The following DNAJC1 variants were observed in gnomAD, a reference collection of about 807,000 sequenced individuals.
The protein encoded by DNAJC1 is dnaJ homolog subfamily C member 1.
A neutral mutation model predicts 76.6 loss-of-function variants in DNAJC1; 58 were observed. That is an observed-to-expected ratio of 0.76 (90% CI 0.61 to 0.94). DNAJC1 has a LOEUF of 0.94. Ranked by LOEUF, DNAJC1 falls within the 40% of genes least tolerant of loss-of-function variation. DNAJC1 has a pLI of 0.00. For synonymous variants in DNAJC1, 258 were observed against 267.9 expected, an observed-to-expected ratio of 0.96 and a Z score of 0.36; for missense variants, 689 against 677.3, an observed-to-expected ratio of 1.02 and a Z score of -0.19.
chr10:21,968,023 C>G (rs1057321875), intron 1 of DNAJC1, among the ~76,000 whole-genome samples: 2 of 152,160 alleles, frequency 1.3e-5, no homozygotes, highest in African/African-American at 4.8e-5. Flanking sequence ...CTAAAATGAG[C>G]CTTCATACAA....
intron 1 of DNAJC1, among the ~76,000 whole-genome samples, chr10:21,932,139 C>A (rs977680733): frequency 6.6e-6 from 1 of 152,068 alleles, no homozygotes; most frequent in Non-Finnish European, 1.5e-5. Flanking sequence ...GAGTTTGAGA[C>A]CAGCCTGAGC....
chr10:21,868,634 A>G (rs939747536), intron 8 of DNAJC1, among the ~76,000 whole-genome samples: 3 of 152,076 alleles, frequency 2.0e-5, no homozygotes, highest in Non-Finnish European at 4.4e-5. Flanking sequence ...CAATGTCATT[A>G]GACCCTCAAA....
chr10:21,940,544 C>T (rs553458735), intron 1 of DNAJC1, among the ~76,000 whole-genome samples: 5 of 152,222 alleles, frequency 3.3e-5, no homozygotes, highest in South Asian at 4.2e-4. Flanking sequence ...AAAATAATTT[C>T]GAGCACAGTA....
Position 21,863,266 on chromosome 10 carries a change from G to A in DNAJC1, c.978+19016C>T, listed in dbSNP as rs1455209605. On this transcript the variant is annotated intron_variant, in intron 8 of 11. Coordinates refer to ENST00000376980, the MANE Select transcript of DNAJC1 (RefSeq NM_022365.4). ...AACCAAAAGCTGATGTAGCTCAAGA[G>A]AGGCTAAAACAGAGAAGAAACAAAA... 2.0e-5 allele frequency among the ~76,000 whole-genome samples: 3 copies of A among 152,056 alleles called. No homozygotes were observed. The East Asian group carries it at 5.8e-4, about 29-fold the overall frequency.
intron 3 of DNAJC1, among the ~76,000 whole-genome samples, chr10:21,921,553 T>TA (rs1232708265): frequency 3.3e-5 from 5 of 151,898 alleles, no homozygotes. Context: ...CTTTAGAAAA[T>TA]AAAAAACTCC....
intron 1 of DNAJC1, among the ~76,000 whole-genome samples, chr10:21,981,619 A>G (rs1223593125): frequency 6.6e-6 from 1 of 152,170 alleles, no homozygotes; most frequent in African/African-American, 2.4e-5. Flanking sequence ...TAAAATGGGG[A>G]AAAAATGCCT....
chr10:21,921,362 C>T (rs1004039298), intron 3 of DNAJC1, among the ~76,000 whole-genome samples: 27 of 151,976 alleles, frequency 1.8e-4, no homozygotes, highest in Middle Eastern at 6.8e-3. Flanking sequence ...TGTTTGTTAC[C>T]GTGAATTACA....
At chr10:21,769,739 T>G (rs1415532848) in intron 9 of DNAJC1, among the ~76,000 whole-genome samples, 1 of 152,104 alleles carries the variant, frequency 6.6e-6, no homozygotes. Flanking sequence ...CAGGCTGGAG[T>G]GCAATGGAGC....
At chr10:21,844,577 T>G (rs1280399573) in intron 8 of DNAJC1, among the ~76,000 whole-genome samples, 1 of 152,146 alleles carries the variant, frequency 6.6e-6, no homozygotes, top group Non-Finnish European at 1.5e-5. Context: ...ATTATTCAAC[T>G]TTGCATTTTT....
intron 8 of DNAJC1, among the ~76,000 whole-genome samples, chr10:21,856,883 G>A (rs1320065389): frequency 1.3e-5 from 2 of 151,874 alleles, no homozygotes; most frequent in Non-Finnish European, 2.9e-5. Flanking sequence ...CCACAGGTGC[G>A]CACCACCACA....
At chr10:21,935,392 A>T (rs756484691) in intron 1 of DNAJC1, among the ~76,000 whole-genome samples, 3 of 152,188 alleles carry the variant, frequency 2.0e-5, no homozygotes, top group Non-Finnish European at 2.9e-5. Context: ...GGCAGAAGAA[A>T]CAATCAATGA....
chr10:21,953,982 T>C (rs1407391135), intron 1 of DNAJC1, among the ~76,000 whole-genome samples: 2 of 152,108 alleles, frequency 1.3e-5, no homozygotes, highest in African/African-American at 4.8e-5. Context: ...TTGCCATATG[T>C]TTCTAGAAAA....
chr10:21,883,556 GA>G (rs2131723438), intron 7 of DNAJC1, among the ~76,000 whole-genome samples: 1 of 152,060 alleles, frequency 6.6e-6, no homozygotes, highest in South Asian at 2.1e-4. Flanking sequence ...ATCATATATT[GA>G]AAACATCCTT....
At chr10:21,830,888 TA>T (rs1012956931) in intron 8 of DNAJC1, among the ~76,000 whole-genome samples, 53 of 152,304 alleles carry the variant, frequency 3.5e-4, no homozygotes, top group African/African-American at 1.2e-3. Flanking sequence ...ATTTCATTTC[TA>T]AAAGTTCTTT....
At position 21,873,289 on chromosome 10, in the gene DNAJC1, G is replaced by A. The variant is rs564235643; in HGVS notation, c.978+8993C>T. On this transcript the variant is annotated intron_variant, in intron 8 of 11. Coordinates refer to ENST00000376980, the MANE Select transcript of DNAJC1 (RefSeq NM_022365.4). ...TGGTGTCTGAGGGGTTCTTGCCTGC[G>A]GCTCATCCTGCTACAGACCCATATT... is the stretch of plus-strand genomic sequence containing the variant. Among the ~76,000 whole-genome samples, 38 of 152,066 alleles carry A rather than the reference G, an allele frequency of 2.5e-4. No homozygotes were observed. In the South Asian group the frequency reaches 4.6e-3, roughly 18 times the overall value.
At chr10:21,911,993 T>C (rs1401932301) in intron 6 of DNAJC1, among the ~76,000 whole-genome samples, 1 of 152,170 alleles carries the variant, frequency 6.6e-6, no homozygotes, top group Non-Finnish European at 1.5e-5. Context: ...ATTTAATGTA[T>C]TTGCAACTTA....
chr10:21,785,703 A>G (rs1834596746), intron 9 of DNAJC1: 1 of 152,232 alleles, frequency 6.6e-6, no homozygotes, highest in Non-Finnish European at 1.5e-5. Context: ...ACATCAGAGG[A>G]AAAGGCAAAG....
intron 8 of DNAJC1, among the ~76,000 whole-genome samples, chr10:21,856,667 T>C (rs1049651390): frequency 1.3e-5 from 2 of 152,100 alleles, no homozygotes; most frequent in African/African-American, 4.8e-5. Flanking sequence ...AGGGCTGGTT[T>C]AAAATTGGTT....
intron 1 of DNAJC1, among the ~76,000 whole-genome samples, chr10:21,935,929 T>C (rs779134737): frequency 2.6e-5 from 4 of 152,196 alleles, no homozygotes; most frequent in African/African-American, 4.8e-5. Flanking sequence ...TGCTAGTAGA[T>C]ATGCTTTATA....
Sources: gnomAD v4.1 joint callset for allele counts (sites outside exome capture counted in the v4.1 genomes callset) on GRCh38, gnomAD v4.1.1 for gene constraint, MANE v1.5 for transcripts, NCBI Gene and HGNC (gene_info 2026-07-23, HGNC 2026-07-21) for gene names.